The following ZNF547 variants were observed in gnomAD, a reference collection of about 807,000 sequenced individuals.
ZNF547 encodes zinc finger protein 547.
Under a neutral mutation model 7.7 loss-of-function variants are expected in ZNF547, and 4 were observed. That is an observed-to-expected ratio of 0.52 (90% CI 0.26 to 1.20). The LOEUF (loss-of-function observed/expected upper bound fraction) is 1.20. Among genes scored for constraint, ZNF547 ranks in the 50% most tolerant of loss-of-function variants. The pLI is 0.14. For synonymous variants in ZNF547, 166 were observed against 166.2 expected, an observed-to-expected ratio of 1.00 and a Z score of 0.01; for missense variants, 449 against 485.8, an observed-to-expected ratio of 0.92 and a Z score of 0.71.
At chr19:57,368,505 C>A (rs758791350) in intron 1 of ZNF547, 39 bp from the exon 2 acceptor site, 2 of 1,607,100 alleles carry the variant, frequency 1.2e-6, no homozygotes, top group African/African-American at 2.7e-5. Flanking sequence ...AAGATCTTCC[C>A]ATCGTTGCCC....
At chr19:57,376,431 T>G (rs1032030039) in intron 3 of ZNF547, among the ~76,000 whole-genome samples, 1 of 152,220 alleles carries the variant, frequency 6.6e-6, no homozygotes, top group Non-Finnish European at 1.5e-5. Flanking sequence ...TTTTTATTTC[T>G]GTAACCGGTT....
intron 1 of ZNF547, chr19:57,368,034 C>G (rs2088481307): frequency 6.5e-6 from 1 of 154,300 alleles, no homozygotes; most frequent in Non-Finnish European, 1.4e-5. Flanking sequence ...AATGTGTACA[C>G]ATAGGCAGTT....
At chr19:57,374,978 C>T (rs533129955) in intron 3 of ZNF547, among the ~76,000 whole-genome samples, 1 of 152,272 alleles carries the variant, frequency 6.6e-6, no homozygotes, top group South Asian at 2.1e-4. Context: ...GTCACTTCCA[C>T]ATTTTCGGGT....
At chr19:57,370,328 CAG>C (rs1186389014) in intron 2 of ZNF547, among the ~76,000 whole-genome samples, 1 of 152,182 alleles carries the variant, frequency 6.6e-6, no homozygotes, top group African/African-American at 2.4e-5. Context: ...AAGTGAGAAA[CAG>C]GGCCATGTAG....
intron 3 of ZNF547, among the ~76,000 whole-genome samples, chr19:57,376,089 G>C (rs1280237478): frequency 6.6e-6 from 1 of 152,184 alleles, no homozygotes; most frequent in African/African-American, 2.4e-5. Flanking sequence ...CTTGAACCCA[G>C]GATGCAGATG....
At position 57,374,235 on chromosome 19, in the gene ZNF547, A is replaced by G. The variant is rs137937010; in HGVS notation, c.151+2327A>G. Among the ~76,000 whole-genome samples, 67 of 152,352 alleles carry G rather than the reference A, an allele frequency of 4.4e-4. No homozygotes were observed. The East Asian group carries it at 9.4e-3, about 21-fold the overall frequency. Reference sequence around the variant, plus strand: ...GGCTTGGGGCTTAAACTCTGAAGCAATGGCTGGAGCTGTACCTTGCCCCTT... The same window carrying G: ...GGCTTGGGGCTTAAACTCTGAAGCAGTGGCTGGAGCTGTACCTTGCCCCTT... On this transcript the variant is annotated intron_variant, in intron 3 of 3. Transcript: ENST00000282282.
chr19:57,366,841 G>A (rs1289860249), intron 1 of ZNF547, among the ~76,000 whole-genome samples: 1 of 152,230 alleles, frequency 6.6e-6, no homozygotes, highest in Non-Finnish European at 1.5e-5. Context: ...TATGCATTTA[G>A]AGATGTTATA....
rs766853227 is a variant in ZNF547, at chr19:57,377,646, A to G, written c.670A>G (p.Lys224Glu). Residue 224 changes from lysine (K) to glutamate (E), a missense_variant, in exon 4 of 4, where the codon AAG becomes GAG. By Grantham distance (56) the Lys-to-Glu change is moderately conservative. Coordinates refer to ENST00000282282, the MANE Select transcript of ZNF547 (RefSeq NM_173631.4). The part of the protein sequence containing the change: ...CNECGKAFLC[K>E]SHLVRHQTIH... ...TGAATGTGGGAAAGCCTTTCTTTGT[A>G]AGTCTCACCTTGTTCGTCACCAGAC... 16 of 1,614,000 alleles carry G rather than the reference A, an allele frequency of 9.9e-6. No individual in the cohort carries two copies. Among genetic ancestry groups the G allele is most frequent in the Non-Finnish European group, 1.4e-5 (16 of 1,179,996 alleles).
At chr19:57,364,571 T>C in intron 1 of ZNF547, 1 of 523,402 alleles carries the variant, frequency 1.9e-6, no homozygotes, top group Non-Finnish European at 3.4e-6. Flanking sequence ...TGAAACCCCG[T>C]CTTTAGTAAA....
At chr19:57,365,415 C>A in intron 1 of ZNF547, 1 of 616,072 alleles carries the variant, frequency 1.6e-6, no homozygotes. Context: ...ATAGTACATT[C>A]TGTCTCATGT....
chr19:57,375,847 G>A (rs1206669566), intron 3 of ZNF547, among the ~76,000 whole-genome samples: 1 of 151,896 alleles, frequency 6.6e-6, no homozygotes. Context: ...GTGCAAGCAG[G>A]GGAAATGCAA....
chr19:57,377,705 T>G lies in ZNF547; in HGVS notation c.729T>G (p.Ser243Arg). The change falls in exon 4 of 4, where the codon AGT becomes AGG. Residue 243 changes from serine to arginine, a missense_variant. Transcript: ENST00000282282. ...IHSGERPYECSECGKLFMWSS... is the reference protein window; with the variant it reads ...IHSGERPYECRECGKLFMWSS... ...CTGGAGAAAGGCCTTATGAGTGCAG[T>G]GAATGTGGGAAATTGTTTATGTGGA... 1 of 1,614,136 alleles carries G rather than the reference T, an allele frequency of 6.2e-7. No individual in the cohort carries two copies. The highest frequency in any genetic ancestry group is 1.3e-5 in the African/African-American group (1 of 75,032).
intron 1 of ZNF547, chr19:57,364,794 G>A (rs764928298): frequency 4.6e-6 from 7 of 1,525,252 alleles, no homozygotes; most frequent in Non-Finnish European, 6.3e-6. Flanking sequence ...TTGCGTTTCC[G>A]TTGTCGGCCT....
At chr19:57,366,637 C>G (rs1347075593) in intron 1 of ZNF547, among the ~76,000 whole-genome samples, 3 of 148,540 alleles carry the variant, frequency 2.0e-5, no homozygotes, top group African/African-American at 7.5e-5. Context: ...CCTCTGCCTC[C>G]TGACTTCAAG....
At chr19:57,365,230 C>T in intron 1 of ZNF547, 1 of 1,577,154 alleles carries the variant, frequency 6.3e-7, no homozygotes, top group Non-Finnish European at 8.6e-7. Flanking sequence ...AGTTCAGTTT[C>T]TTGGGAAGAA....
intron 3 of ZNF547, 36 bp downstream of exon 3, chr19:57,371,944 G>A: frequency 1.3e-6 from 2 of 1,539,210 alleles, no homozygotes; most frequent in Non-Finnish European, 1.8e-6. Flanking sequence ...TCCTGGGTTG[G>A]GCTGTGTTGT....
intron 3 of ZNF547, 116 bp downstream of exon 3, chr19:57,372,024 T>G: frequency 7.0e-7 from 1 of 1,434,944 alleles, no homozygotes; most frequent in Non-Finnish European, 9.3e-7. Flanking sequence ...TTTCCTTGTT[T>G]CCTGACATAT....
chr19:57,369,899 C>CTTTTTTTTTTTTTTTTTTTT lies in ZNF547; in HGVS notation c.24+1325_24+1344dup, dbSNP rs61547238. ...AAAGAAGTTTAATTGACTCACAGTT[C>CTTTTTTTTTTTTTTTTTTTT]TTTTTTTTTTTTTTTTTTTTTTTTG... On this transcript the variant is annotated intron_variant, in intron 2 of 3. Transcript: ENST00000282282. 2.3e-4 allele frequency among the ~76,000 whole-genome samples: 12 copies of CTTTTTTTTTTTTTTTTTTTT among 51,678 alleles called. 4 individuals are homozygous for CTTTTTTTTTTTTTTTTTTTT. The highest frequency in any genetic ancestry group is 1.8e-3 in the South Asian group (2 of 1,116). 33.9% of individuals were successfully genotyped at this position (51,678 alleles called of 152,430 possible).
intron 3 of ZNF547, among the ~76,000 whole-genome samples, chr19:57,372,120 G>T (rs1198851934): frequency 2.0e-5 from 3 of 151,732 alleles, no homozygotes; most frequent in African/African-American, 7.2e-5. Context: ...AGGCTTGCAA[G>T]AAAGGGCTCA....
Sources: gnomAD v4.1 joint callset for allele counts (sites outside exome capture counted in the v4.1 genomes callset) on GRCh38, gnomAD v4.1.1 for gene constraint, MANE v1.5 for transcripts, NCBI Gene and HGNC (gene_info 2026-07-23, HGNC 2026-07-21) for gene names.